MIPEP: variants seen among roughly 807,000 people sequenced by gnomAD.
The protein encoded by MIPEP is mitochondrial intermediate peptidase.
Under a neutral mutation model 90.3 loss-of-function variants are expected in MIPEP, and 79 were observed. That is an observed-to-expected ratio of 0.87 (90% CI 0.73 to 1.05). MIPEP has a LOEUF of 1.05. Ranked by LOEUF, MIPEP falls within the 50% of genes least tolerant of loss-of-function variation. MIPEP has a pLI of 0.00. For missense variants in MIPEP, 940 were observed against 905.6 expected, an observed-to-expected ratio of 1.04 and a Z score of -0.49; for synonymous variants, 334 against 315.8, an observed-to-expected ratio of 1.06 and a Z score of -0.61.
intron 14 of MIPEP, among the ~76,000 whole-genome samples, 167 bp downstream of exon 14, chr13:23,836,073 G>C (rs922938898): frequency 3.9e-5 from 6 of 152,104 alleles, no homozygotes; most frequent in African/African-American, 1.4e-4. Flanking sequence ...TGATTTAATA[G>C]ACTGGCAAAA....
chr13:23,886,472 T>C lies in MIPEP; in HGVS notation c.224A>G (p.Glu75Gly). ...TTTTTCTTGTGCAATATGAAATCCTTCTGGGGCACTCAGCTCAGGAACTCC... is the reference window on the plus strand; with the variant it reads ...TTTTTCTTGTGCAATATGAAATCCTCCTGGGGCACTCAGCTCAGGAACTCC... ...LFGVPELSAPEGFHIAQEKAL... is the reference protein window; with the variant it reads ...LFGVPELSAPGGFHIAQEKAL... The change falls in exon 2 of 19, where the codon GAA (glutamate) becomes GGA (glycine). Residue 75 changes from glutamate to glycine, a missense_variant. Coordinates refer to ENST00000382172, the MANE Select transcript of MIPEP (RefSeq NM_005932.4). 6.2e-7 allele frequency: 1 copy of C among 1,600,604 alleles called. No homozygotes were observed. The highest frequency in any genetic ancestry group is 8.5e-7 in the Non-Finnish European group (1 of 1,172,960).
intron 14 of MIPEP, among the ~76,000 whole-genome samples, chr13:23,811,004 T>C (rs1431782513): frequency 6.6e-6 from 1 of 152,152 alleles, no homozygotes; most frequent in Admixed American, 6.5e-5. Flanking sequence ...GAAAGCTACA[T>C]AGTGTGAATT....
At chr13:23,778,613 T>C (rs528265310) in intron 16 of MIPEP, among the ~76,000 whole-genome samples, 2 of 152,328 alleles carry the variant, frequency 1.3e-5, no homozygotes, top group South Asian at 2.1e-4. Flanking sequence ...TGACACATCC[T>C]ATGTGCAACT....
chr13:23,860,592 A>G (rs1276957239), intron 9 of MIPEP, among the ~76,000 whole-genome samples: 1 of 152,172 alleles, frequency 6.6e-6, no homozygotes, highest in Non-Finnish European at 1.5e-5. Context: ...GAGAATAACC[A>G]GGAGCTACTG....
intron 14 of MIPEP, among the ~76,000 whole-genome samples, chr13:23,814,642 T>C (rs146985966): frequency 2.8e-4 from 43 of 152,340 alleles, no homozygotes; most frequent in African/African-American, 9.1e-4. Context: ...TAGCTAATTA[T>C]GGTAAAGAAC....
At position 23,763,523 on chromosome 13, in the gene MIPEP, T is replaced by C. The variant is rs1652880944; in HGVS notation, c.1849-3306A>G. On this transcript the variant is annotated intron_variant, in intron 16 of 18. Transcript: ENST00000382172. ...ATTCAAGCTGAATACAGCTTTGTTTTATCTTGAAAGCAGGCCCACTTCAAT... is the reference window on the plus strand; with the variant it reads ...ATTCAAGCTGAATACAGCTTTGTTTCATCTTGAAAGCAGGCCCACTTCAAT... Among the ~76,000 whole-genome samples the C allele has an allele frequency of 2.6e-5, 4 of 152,250 alleles. No individual in the cohort carries two copies. In the South Asian group the frequency reaches 8.3e-4, roughly 31 times the overall value.
intron 10 of MIPEP, among the ~76,000 whole-genome samples, chr13:23,848,986 A>C (rs1869678638): frequency 6.6e-6 from 1 of 152,220 alleles, no homozygotes; most frequent in Admixed American, 6.5e-5. Context: ...ATGACCAGCC[A>C]GTCAGGAGGG....
intron 14 of MIPEP, among the ~76,000 whole-genome samples, chr13:23,834,125 C>T (rs1239517668): frequency 6.6e-6 from 1 of 152,140 alleles, no homozygotes; most frequent in Non-Finnish European, 1.5e-5. Context: ...AGGCCACGCG[C>T]CCGGGATGAG....
intron 15 of MIPEP, among the ~76,000 whole-genome samples, chr13:23,806,652 T>C (rs1953110840): frequency 6.6e-6 from 1 of 151,424 alleles, no homozygotes; most frequent in Non-Finnish European, 1.5e-5. Flanking sequence ...CACTCCAGCC[T>C]GGGAGAGACT....
At chr13:23,853,182 G>A (rs919235947) in intron 10 of MIPEP, among the ~76,000 whole-genome samples, 1 of 152,086 alleles carries the variant, frequency 6.6e-6, no homozygotes, top group Non-Finnish European at 1.5e-5. Context: ...ATTTAGTGTA[G>A]CCTAAGTGTA....
chr13:23,735,723 T>G (rs1339129943), intron 18 of MIPEP, among the ~76,000 whole-genome samples: 1 of 152,142 alleles, frequency 6.6e-6, no homozygotes, highest in African/African-American at 2.4e-5. Flanking sequence ...TGATTTTGTA[T>G]GTATGTGATT....
intron 18 of MIPEP, among the ~76,000 whole-genome samples, chr13:23,736,146 T>A (rs539933454): frequency 3.9e-5 from 6 of 152,104 alleles, no homozygotes; most frequent in African/African-American, 1.4e-4. Context: ...GTGGATGGAG[T>A]TAACAAACAC....
chr13:23,789,887 C>G (rs1952883090), intron 16 of MIPEP, among the ~76,000 whole-genome samples: 1 of 152,192 alleles, frequency 6.6e-6, no homozygotes, highest in Non-Finnish European at 1.5e-5. Context: ...GCACTGCTCT[C>G]CTGGCTGTTC....
At chr13:23,842,900 C>T (rs1435610690) in intron 10 of MIPEP, among the ~76,000 whole-genome samples, 1 of 151,940 alleles carries the variant, frequency 6.6e-6, no homozygotes, top group Non-Finnish European at 1.5e-5. Context: ...GAGTTCAAGA[C>T]CAGTTTGGCC....
At chr13:23,808,843 A>C (rs1178586173) in intron 15 of MIPEP, among the ~76,000 whole-genome samples, 1 of 152,228 alleles carries the variant, frequency 6.6e-6, no homozygotes, top group Non-Finnish European at 1.5e-5. Flanking sequence ...TCATGTTTGA[A>C]GGTACAGAAA....
In MIPEP at chr13:23,888,626, T is replaced by C. The variant is rs1386630028; in HGVS notation, c.189+506A>G. ...TTTTAAAACAAGAAAGCCCAAAGCTTTGAAATAAATTAATTAATAGATGAT... is the reference window on the plus strand; with the variant it reads ...TTTTAAAACAAGAAAGCCCAAAGCTCTGAAATAAATTAATTAATAGATGAT... On this transcript the variant is annotated intron_variant, in intron 1 of 18. Transcript: ENST00000382172. 5 of 835,994 alleles carry C rather than the reference T, an allele frequency of 6.0e-6. No individual in the cohort carries two copies. The East Asian group carries it at 4.9e-4, about 82-fold the overall frequency. 51.8% of individuals were successfully genotyped at this position (835,994 alleles called of 1,614,324 possible).
Position 23,864,127 on chromosome 13 carries a change from GAAT to G in MIPEP, c.992+11_992+13del, listed in dbSNP as rs1270390285. ...CATATAACCAAAAAACTAAATAGTAGAATAAAAACTAACCTTTCAGAAAGTTTG... is the reference window on the plus strand; with the variant it reads ...CATATAACCAAAAAACTAAATAGTAGAAAAACTAACCTTTCAGAAAGTTTG... On this transcript the variant is annotated intron_variant, in intron 8 of 18. Coordinates refer to ENST00000382172, the MANE Select transcript of MIPEP (RefSeq NM_005932.4). 2 of 1,460,198 alleles carry G rather than the reference GAAT, an allele frequency of 1.4e-6. No homozygotes were observed. Among genetic ancestry groups the G allele is most frequent in the African/African-American group, 1.4e-5 (1 of 69,748 alleles). 90.5% of individuals were successfully genotyped at this position (1,460,198 alleles called of 1,614,324 possible).
intron 10 of MIPEP, among the ~76,000 whole-genome samples, chr13:23,844,871 A>G (rs1348636241): frequency 6.6e-6 from 1 of 152,208 alleles, no homozygotes; most frequent in African/African-American, 2.4e-5. Context: ...TAATATTACA[A>G]TATTACCCTA....
At chr13:23,874,973 T>G (rs1768042265) in intron 4 of MIPEP, 64 bp from the exon 5 acceptor site, 4 of 1,455,438 alleles carry the variant, frequency 2.7e-6, no homozygotes, top group African/African-American at 1.4e-5. Context: ...AAAATTGTGG[T>G]TTTTTGTTAA....
Sources: gnomAD v4.1 joint callset for allele counts (sites outside exome capture counted in the v4.1 genomes callset) on GRCh38, gnomAD v4.1.1 for gene constraint, MANE v1.5 for transcripts, NCBI Gene and HGNC (gene_info 2026-07-23, HGNC 2026-07-21) for gene names.